Variants in FOXJ3 observed in about 807,000 individuals in gnomAD.
The protein encoded by FOXJ3 is forkhead box protein J3.
FOXJ3 carries 22 observed loss-of-function variants against 76.1 expected under a neutral mutation model. That is an observed-to-expected ratio of 0.29 (90% CI 0.21 to 0.41). FOXJ3 has a LOEUF of 0.41. Among genes scored for constraint, FOXJ3 ranks in the 10% least tolerant of loss-of-function variants. The probability of loss-of-function intolerance (pLI) is 1.00; values close to 1 mark genes in which losing one functional copy is unlikely to be tolerated. For missense variants in FOXJ3, 613 were observed against 762.1 expected (o/e 0.80, Z 2.30); for synonymous variants, 269 against 261.2 (o/e 1.03, Z -0.29).
At chr1:42,186,880 C>T (rs1646447510) in intron 11 of FOXJ3, among the ~76,000 whole-genome samples, 1 of 152,124 alleles carries the variant, frequency 6.6e-6, no homozygotes, top group Non-Finnish European at 1.5e-5. Flanking sequence ...CGAAGTCTCC[C>T]TCTGTCACCC....
At chr1:42,332,573 A>T (rs962086349) in intron 1 of FOXJ3, among the ~76,000 whole-genome samples, 2 of 152,176 alleles carry the variant, frequency 1.3e-5, no homozygotes, top group African/African-American at 4.8e-5. Flanking sequence ...CAGGACACTC[A>T]GCTGAAACAA....
At chr1:42,272,660 A>C (rs764628450) in intron 3 of FOXJ3, among the ~76,000 whole-genome samples, 13 of 152,174 alleles carry the variant, frequency 8.5e-5, no homozygotes, top group Non-Finnish European at 1.8e-4. Context: ...ACTACATCTA[A>C]AACAGTTTCA....
chr1:42,256,385 A>G (rs1321296849), intron 4 of FOXJ3, among the ~76,000 whole-genome samples: 1 of 152,250 alleles, frequency 6.6e-6, no homozygotes, highest in Non-Finnish European at 1.5e-5. Flanking sequence ...CTCAGTAATA[A>G]TGACAACCAA....
intron 2 of FOXJ3, among the ~76,000 whole-genome samples, chr1:42,302,367 T>C (rs1017942327): frequency 1.3e-5 from 2 of 152,236 alleles, no homozygotes; most frequent in African/African-American, 4.8e-5. Context: ...CCTCAAGCAA[T>C]GGGGCTGATC....
At chr1:42,299,999 G>A (rs983004970) in intron 2 of FOXJ3, among the ~76,000 whole-genome samples, 1 of 151,922 alleles carries the variant, frequency 6.6e-6, no homozygotes, top group African/African-American at 2.4e-5. Flanking sequence ...TCAGGAGTTT[G>A]AGACCTGCCT....
Position 42,186,376 on chromosome 1 carries a change from CA to C in FOXJ3, c.1645+2360del, listed in dbSNP as rs139950771. ...GCAGGCATGAGTCAGAAGGAAAATACAAAAGGGGAGTGAGAGTAGAAAGAAT... is the reference window on the plus strand; with the variant it reads ...GCAGGCATGAGTCAGAAGGAAAATACAAAGGGGAGTGAGAGTAGAAAGAAT... On this transcript the variant is annotated intron_variant, in intron 11 of 12. Transcript: ENST00000361346. Among the ~76,000 whole-genome samples the C allele has an allele frequency of 4.4e-3, 662 of 152,070 alleles. 10 individuals carry two copies. Among genetic ancestry groups the C allele is most frequent in the African/African-American group, 0.015 (617 of 41,400 alleles).
At chr1:42,292,615 A>C (rs990850979) in intron 2 of FOXJ3, among the ~76,000 whole-genome samples, 1 of 152,242 alleles carries the variant, frequency 6.6e-6, no homozygotes, top group Non-Finnish European at 1.5e-5. Context: ...GGAACAGAAA[A>C]GCAGATCAGT....
intron 4 of FOXJ3, among the ~76,000 whole-genome samples, chr1:42,252,232 G>A (rs907827773): frequency 2.0e-5 from 3 of 152,156 alleles, no homozygotes; most frequent in African/African-American, 7.2e-5. Flanking sequence ...GGTAGAATTT[G>A]GCTGTGAATC....
chr1:42,263,831 A>C (rs969145522), intron 4 of FOXJ3, among the ~76,000 whole-genome samples: 2 of 152,038 alleles, frequency 1.3e-5, no homozygotes, highest in Non-Finnish European at 2.9e-5. Context: ...TAAACAGTGA[A>C]CAAGATACAC....
rs1295077841 is a variant in FOXJ3 at position 42,176,730 on chromosome 1, A to G, written c.*2980T>C. 6.6e-6 allele frequency: 1 copy of G among 152,650 alleles called. No individual in the cohort carries two copies. 9.5% of individuals were successfully genotyped at this position (152,650 alleles called of 1,614,324 possible). A position where few individuals can be genotyped will look rare whatever the true frequency, so the allele number is the denominator to read the frequency against. On this transcript the variant is annotated 3_prime_UTR_variant, in exon 13 of 13. Transcript: ENST00000361346. ...AGCAAAACTGTAGAAACATTAAAAC[A>G]CTGACTGTCCAACAGCAGTACAGAG... is the stretch of plus-strand genomic sequence containing the variant.
intron 4 of FOXJ3, among the ~76,000 whole-genome samples, chr1:42,262,957 C>A (rs994817537): frequency 6.6e-6 from 1 of 152,180 alleles, no homozygotes; most frequent in Non-Finnish European, 1.5e-5. Context: ...ATGATATTTA[C>A]TTATTATGAC....
intron 4 of FOXJ3, 47 bp downstream of exon 4, chr1:42,265,068 A>C: frequency 8.8e-7 from 1 of 1,133,730 alleles, no homozygotes; most frequent in South Asian, 1.2e-5. Context: ...CAAACATGAC[A>C]AGTGACATAC....
intron 3 of FOXJ3, among the ~76,000 whole-genome samples, chr1:42,266,293 T>C (rs1179838634): frequency 1.3e-5 from 2 of 152,228 alleles, no homozygotes; most frequent in East Asian, 3.9e-4. Flanking sequence ...TTAAAACTTA[T>C]GCTTGGGATG....
At chr1:42,291,791 G>C (rs1416988608) in intron 2 of FOXJ3, among the ~76,000 whole-genome samples, 1 of 152,170 alleles carries the variant, frequency 6.6e-6, no homozygotes, top group Non-Finnish European at 1.5e-5. Flanking sequence ...TGTGGGTGGA[G>C]GGGATGAACC....
intron 4 of FOXJ3, among the ~76,000 whole-genome samples, chr1:42,228,274 T>C (rs1030683595): frequency 2.6e-5 from 4 of 152,158 alleles, no homozygotes; most frequent in South Asian, 2.1e-4. Flanking sequence ...GAACAGATGA[T>C]AATTATATGA....
intron 4 of FOXJ3, among the ~76,000 whole-genome samples, chr1:42,263,353 C>T (rs1360588582): frequency 6.6e-6 from 1 of 152,006 alleles, no homozygotes; most frequent in East Asian, 1.9e-4. Context: ...AAAATGTTTA[C>T]AGAACCCAAA....
intron 1 of FOXJ3, among the ~76,000 whole-genome samples, chr1:42,324,103 T>A (rs796711796): frequency 2.3e-5 from 2 of 88,322 alleles, no homozygotes; most frequent in Non-Finnish European, 4.3e-5. Flanking sequence ...ATATATACTG[T>A]GTATATACAC....
intron 2 of FOXJ3, among the ~76,000 whole-genome samples, chr1:42,305,530 T>C (rs1412882196): frequency 6.6e-6 from 1 of 152,184 alleles, no homozygotes; most frequent in Non-Finnish European, 1.5e-5. Context: ...ACAGATAAAA[T>C]GTGGTACATA....
chr1:42,327,401 TTG>T (rs1442093326), intron 1 of FOXJ3, among the ~76,000 whole-genome samples: 2 of 152,214 alleles, frequency 1.3e-5, no homozygotes, highest in Non-Finnish European at 2.9e-5. Context: ...TGTTTGACTG[TTG>T]TGTCTGTAAT....
Sources: gnomAD v4.1 joint callset for allele counts (sites outside exome capture counted in the v4.1 genomes callset) on GRCh38, gnomAD v4.1.1 for gene constraint, MANE v1.5 for transcripts, NCBI Gene and HGNC (gene_info 2026-07-23, HGNC 2026-07-21) for gene names.